SPECC1: variants seen among roughly 807,000 people sequenced by gnomAD.
The protein encoded by SPECC1 is cytospin-B.
Under a neutral mutation model 104.1 loss-of-function variants are expected in SPECC1, and 62 were observed. The observed-to-expected ratio is 0.60, with a 90% CI of 0.49 to 0.74. The LOEUF (loss-of-function observed/expected upper bound fraction) is 0.74. Among genes scored for constraint, SPECC1 ranks in the 30% least tolerant of loss-of-function variants. The pLI is 0.00. For missense variants in SPECC1, 1,306 were observed against 1,310.5 expected (o/e 1.00, Z 0.05); for synonymous variants, 513 against 501.6 (o/e 1.02, Z -0.30).
intron 2 of SPECC1, among the ~76,000 whole-genome samples, chr17:20,101,398 G>A (rs748500075): frequency 6.2e-4 from 95 of 152,270 alleles, no homozygotes; most frequent in Non-Finnish European, 7.9e-4. Context: ...GTTTTGATTT[G>A]CATTTCTCTA....
intron 1 of SPECC1, among the ~76,000 whole-genome samples, chr17:20,015,273 C>T (rs2152427281): frequency 6.6e-6 from 1 of 151,684 alleles, no homozygotes; most frequent in South Asian, 2.1e-4. Flanking sequence ...TTTTTTCTCT[C>T]AAATATTCTG....
At chr17:20,128,844 A>G (rs1223314134) in intron 3 of SPECC1, among the ~76,000 whole-genome samples, 1 of 152,136 alleles carries the variant, frequency 6.6e-6, no homozygotes, top group African/African-American at 2.4e-5. Context: ...AATAGAAATT[A>G]AAGTCAATAT....
chr17:20,144,184 T>C (rs1275225163), intron 3 of SPECC1, among the ~76,000 whole-genome samples: 81 of 131,550 alleles, frequency 6.2e-4, no homozygotes, highest in African/African-American at 2.0e-3. Context: ...TCTTTTTTTT[T>C]TTTTTTTTTT....
At chr17:20,118,348 A>G (rs12949485) in intron 3 of SPECC1, among the ~76,000 whole-genome samples, 36,224 of 152,154 alleles carry the variant, frequency 0.24, 5,530 homozygotes, top group Middle Eastern at 0.34. Flanking sequence ...TTGGAAAAGG[A>G]TGCCAACATG....
chr17:20,309,316 C>A (rs1461138226), intron 14 of SPECC1, among the ~76,000 whole-genome samples: 1 of 152,108 alleles, frequency 6.6e-6, no homozygotes, highest in Non-Finnish European at 1.5e-5. Context: ...TTAGATTATG[C>A]CAGGAAAATT....
chr17:20,297,968 T>C (rs1454364398), intron 13 of SPECC1, among the ~76,000 whole-genome samples: 1 of 152,196 alleles, frequency 6.6e-6, no homozygotes, highest in Admixed American at 6.5e-5. Context: ...CAAGGATAAG[T>C]GGTCTAAGAG....
chr17:20,233,797 T>G (rs2038745472), intron 7 of SPECC1, among the ~76,000 whole-genome samples: 1 of 152,240 alleles, frequency 6.6e-6, no homozygotes, highest in Non-Finnish European at 1.5e-5. Context: ...CCGTTCTGGG[T>G]GGCCTCTGTG....
At chr17:20,307,538 T>G (rs1040474092) in intron 14 of SPECC1, among the ~76,000 whole-genome samples, 4 of 152,226 alleles carry the variant, frequency 2.6e-5, no homozygotes, top group Admixed American at 2.0e-4. Context: ...CAGTACTCTG[T>G]TACATGGTCC....
At chr17:20,251,122 G>A (rs1186281933) in intron 9 of SPECC1, among the ~76,000 whole-genome samples, 1 of 150,782 alleles carries the variant, frequency 6.6e-6, no homozygotes, top group Non-Finnish European at 1.5e-5. Context: ...CAGCTACTTG[G>A]GAGGCTGAGG....
intron 1 of SPECC1, among the ~76,000 whole-genome samples, chr17:20,020,604 T>C (rs1159274764): frequency 6.6e-6 from 1 of 152,212 alleles, no homozygotes; most frequent in Non-Finnish European, 1.5e-5. Flanking sequence ...AGTGCTGGGA[T>C]TACAGGCGTG....
chr17:20,187,948 G>A (rs1405627143), intron 3 of SPECC1, among the ~76,000 whole-genome samples: 1 of 152,164 alleles, frequency 6.6e-6, no homozygotes, highest in Non-Finnish European at 1.5e-5. Flanking sequence ...TTTGTTCTTT[G>A]TGGTTCCAGA....
At chr17:20,168,865 G>T (rs919007258) in intron 3 of SPECC1, among the ~76,000 whole-genome samples, 1 of 152,016 alleles carries the variant, frequency 6.6e-6, no homozygotes, top group African/African-American at 2.4e-5. Context: ...AATCAGAAAC[G>T]ATGGTATATT....
intron 1 of SPECC1, among the ~76,000 whole-genome samples, chr17:20,094,110 C>T (rs1033659812): frequency 2.6e-5 from 4 of 152,022 alleles, no homozygotes; most frequent in African/African-American, 9.7e-5. Flanking sequence ...AATGGAAGGC[C>T]TTGCCCAGGA....
At chr17:20,243,733 C>A (rs1407088577) in intron 7 of SPECC1, among the ~76,000 whole-genome samples, 6 of 152,042 alleles carry the variant, frequency 3.9e-5, no homozygotes, top group Non-Finnish European at 2.9e-5. Context: ...ATTCTTGTGG[C>A]CTTGCTTTTT....
rs1046485378 is a variant in SPECC1 at position 20,257,606 on chromosome 17, A to C, written c.2836A>C (p.Ser946Arg). 1 of 1,611,706 alleles carries C rather than the reference A, an allele frequency of 6.2e-7. No homozygotes were observed. Among genetic ancestry groups the C allele is most frequent in the Non-Finnish European group, 8.5e-7 (1 of 1,179,528 alleles). ...TRAWKPQSKL[S>R]VERKDPLAAL... ...GGCATGGAAACCACAAAGCAAACTC[A>C]GGTATCGTGTTTCAAACAATAAGAA... is the stretch of plus-strand genomic sequence containing the variant. Residue 946 changes from serine to arginine, a missense_variant and splice_region_variant, in exon 11 of 15, where the codon AGT (serine) becomes CGT (arginine). Ser to Arg is a moderately radical substitution (Grantham distance 110). Transcript: ENST00000395527.
intron 3 of SPECC1, among the ~76,000 whole-genome samples, chr17:20,111,059 T>TA (rs1189300855): frequency 6.6e-6 from 1 of 152,216 alleles, no homozygotes; most frequent in Non-Finnish European, 1.5e-5. Context: ...TTCTCAGTGT[T>TA]ACTCATTTTT....
intron 12 of SPECC1, among the ~76,000 whole-genome samples, chr17:20,261,013 T>C (rs536493343): frequency 7.2e-5 from 11 of 152,344 alleles, no homozygotes; most frequent in Middle Eastern, 3.4e-3. Flanking sequence ...TCTGGAATTA[T>C]TTAAGTAAAA....
At chr17:20,156,283 C>CA (rs200072578) in intron 3 of SPECC1, 45 of 1,326,880 alleles carry the variant, frequency 3.4e-5, no homozygotes, top group Middle Eastern at 2.7e-4. Context: ...ACCCCACCCC[C>CA]CCTCCAGGCG....
intron 4 of SPECC1, among the ~76,000 whole-genome samples, chr17:20,210,823 TC>T (rs1262727662): frequency 2.6e-5 from 4 of 151,720 alleles, no homozygotes; most frequent in Non-Finnish European, 4.4e-5. Context: ...CCACCCCACA[TC>T]CAGCCATATT....
Sources: gnomAD v4.1 joint callset for allele counts (sites outside exome capture counted in the v4.1 genomes callset) on GRCh38, gnomAD v4.1.1 for gene constraint, MANE v1.5 for transcripts, NCBI Gene and HGNC (gene_info 2026-07-23, HGNC 2026-07-21) for gene names.